Variants in PRSS55 observed in about 807,000 individuals in gnomAD.
PRSS55 encodes serine protease 55.
Under a neutral mutation model 23.6 loss-of-function variants are expected in PRSS55, and 41 were observed. That is an observed-to-expected ratio of 1.74 (90% CI 1.35 to 2.26). The LOEUF is 2.26. Among genes scored for constraint, PRSS55 ranks in the 30% most tolerant of loss-of-function variants. PRSS55 has a pLI of 0.00. For synonymous variants in PRSS55, 262 were observed against 175.5 expected (o/e 1.49, Z -3.90); for missense variants, 669 against 439.1 (o/e 1.52, Z -4.68).
intron 4 of PRSS55, among the ~76,000 whole-genome samples, chr8:10,550,453 G>C (rs1812927336): frequency 6.6e-6 from 1 of 152,208 alleles, no homozygotes; most frequent in Non-Finnish European, 1.5e-5. Flanking sequence ...TCTGGTGGCA[G>C]TTGGCTGCTG....
At position 10,525,716 on chromosome 8, in the gene PRSS55, C is replaced by G. The variant is rs4521726; in HGVS notation, c.131C>G (p.Pro44Arg). Reference sequence around the variant, plus strand: ...AGGGGAGCCCACCGCCCTCAGCCCCCTCATCCCCCCAGCCCAGTCAGTGGT... The same window carrying G: ...AGGGGAGCCCACCGCCCTCAGCCCCGTCATCCCCCCAGCCCAGTCAGTGGT... ...RARGAHRPQP[P>R]HPPSPVSECG... Residue 44 changes from proline to arginine, a missense_variant, in exon 1 of 5, where the codon CCT becomes CGT. Physicochemically the swap from Pro to Arg is moderately radical, Grantham distance 103. Transcript: ENST00000328655. 0.78 allele frequency: 1,263,558 copies of G among 1,610,038 alleles called. 496,984 individuals are homozygous for G. Among genetic ancestry groups the G allele is most frequent in the Middle Eastern group, 0.84 (4,908 of 5,860 alleles).
chr8:10,536,100 G>A (rs947442041), intron 4 of PRSS55, among the ~76,000 whole-genome samples: 1 of 152,092 alleles, frequency 6.6e-6, no homozygotes, highest in Non-Finnish European at 1.5e-5. Context: ...GCAGGAGAAC[G>A]GCGTGAACCC....
At chr8:10,550,038 G>A (rs1387026081) in intron 4 of PRSS55, among the ~76,000 whole-genome samples, 1 of 152,142 alleles carries the variant, frequency 6.6e-6, no homozygotes, top group Non-Finnish European at 1.5e-5. Flanking sequence ...TCCTGCCTCA[G>A]CCTCCCAAGT....
intron 1 of PRSS55, among the ~76,000 whole-genome samples, chr8:10,528,177 C>A (rs1479035600): frequency 2.9e-5 from 4 of 139,470 alleles, no homozygotes; most frequent in Admixed American, 8.0e-5. Flanking sequence ...CCAGCCTGGG[C>A]GATAGAGCAA....
At position 10,531,449 on chromosome 8, in the gene PRSS55, C is replaced by A; in HGVS notation, c.502C>A (p.Leu168Ile). The A allele has an allele frequency of 3.7e-6, 6 of 1,614,220 alleles. No individual in the cohort carries two copies. The highest frequency in any genetic ancestry group is 5.1e-6 in the Non-Finnish European group (6 of 1,180,056). ...GCTGCTGCTGGCTTCGCCCATCAAG[C>A]TCGATGACCTGAAGGTGCCCATCTG... is the stretch of plus-strand genomic sequence containing the variant. ...ALLLLASPIK[L>I]DDLKVPICLP... The change falls in exon 3 of 5, where the codon CTC (leucine) becomes ATC (isoleucine). Residue 168 changes from leucine (L) to isoleucine (I), a missense_variant. Coordinates refer to ENST00000328655, the MANE Select transcript of PRSS55 (RefSeq NM_198464.4).
chr8:10,549,098 C>T (rs1812894524), intron 4 of PRSS55, among the ~76,000 whole-genome samples: 1 of 152,190 alleles, frequency 6.6e-6, no homozygotes, highest in African/African-American at 2.4e-5. Flanking sequence ...TGACCCTTGA[C>T]AGAAAACATT....
downstream of PRSS55, among the ~76,000 whole-genome samples, chr8:10,542,586 C>G (rs1812688483): frequency 6.6e-6 from 1 of 151,810 alleles, no homozygotes; most frequent in Non-Finnish European, 1.5e-5. Flanking sequence ...TAAAGATGAC[C>G]TGGACAGGCA....
At chr8:10,553,922 A>C in intron 4 of PRSS55, 1 of 1,467,080 alleles carries the variant, frequency 6.8e-7, no homozygotes, top group Non-Finnish European at 9.0e-7. Flanking sequence ...TTAATTTGTC[A>C]ATTTAATTTT....
intron 4 of PRSS55, among the ~76,000 whole-genome samples, chr8:10,549,554 G>C (rs546567401): frequency 6.6e-6 from 1 of 152,198 alleles, no homozygotes; most frequent in Non-Finnish European, 1.5e-5. Flanking sequence ...ATGTGACAGT[G>C]ATGAGACCCC....
chr8:10,529,348 C>G, intron 1 of PRSS55, 159 bp from the exon 2 acceptor site: 2 of 713,062 alleles, frequency 2.8e-6, no homozygotes, highest in South Asian at 1.6e-5. Flanking sequence ...GCTGATGTCA[C>G]AAGGGCTGCC....
intron 4 of PRSS55, among the ~76,000 whole-genome samples, chr8:10,536,542 C>T (rs1812459407): frequency 6.6e-6 from 1 of 152,172 alleles, no homozygotes; most frequent in Non-Finnish European, 1.5e-5. Flanking sequence ...ATAAATTATT[C>T]TACCAAGAAG....
At position 10,532,995 on chromosome 8, in the gene PRSS55, A is replaced by T; in HGVS notation, c.688A>T (p.Thr230Ser). ...EECSKMFPKLTKNMLCAGYKN... is the reference protein window; with the variant it reads ...EECSKMFPKLSKNMLCAGYKN... Reference sequence around the variant, plus strand: ...GTGTTCAAAGATGTTTCCAAAACTTACCAAAAATATGCTGTGTGCCGGATA... The same window carrying T: ...GTGTTCAAAGATGTTTCCAAAACTTTCCAAAAATATGCTGTGTGCCGGATA... Residue 230 changes from threonine (T) to serine (S), a missense_variant, in exon 4 of 5, where the codon ACC becomes TCC. By Grantham distance (58) the Thr-to-Ser change is moderately conservative. Coordinates refer to ENST00000328655, the MANE Select transcript of PRSS55 (RefSeq NM_198464.4). 1 of 1,614,212 alleles carries T rather than the reference A, an allele frequency of 6.2e-7. No homozygotes were observed. The highest frequency in any genetic ancestry group is 8.5e-7 in the Non-Finnish European group (1 of 1,180,038).
At chr8:10,526,869 G>T (rs1812042491) in intron 1 of PRSS55, among the ~76,000 whole-genome samples, 1 of 152,164 alleles carries the variant, frequency 6.6e-6, no homozygotes, top group Admixed American at 6.5e-5. Context: ...AGGGGGGTGG[G>T]TACCCAACGA....
At chr8:10,550,987 G>A (rs1585898653) in intron 4 of PRSS55, among the ~76,000 whole-genome samples, 1 of 152,188 alleles carries the variant, frequency 6.6e-6, no homozygotes, top group Admixed American at 6.5e-5. Flanking sequence ...CAGCTGACAT[G>A]GACCCAGGCT....
At chr8:10,548,435 C>A (rs1428005847) in intron 4 of PRSS55, among the ~76,000 whole-genome samples, 1 of 152,120 alleles carries the variant, frequency 6.6e-6, no homozygotes, top group Non-Finnish European at 1.5e-5. Context: ...TGGCTGCCAC[C>A]CTGCTGGGCC....
chr8:10,531,739 C>G (rs1409990942), intron 3 of PRSS55, 194 bp downstream of exon 3: 9 of 661,290 alleles, frequency 1.4e-5, no homozygotes, highest in Non-Finnish European at 2.3e-5. Flanking sequence ...GAGCCAGTCC[C>G]CTAGTGCAGT....
intron 4 of PRSS55, 137 bp from the exon 5 acceptor site, chr8:10,538,339 T>A (rs144376831): frequency 5.1e-4 from 347 of 673,914 alleles, no homozygotes; most frequent in African/African-American, 4.9e-3. Flanking sequence ...CACATGCTTC[T>A]CCCGTGGAGC....
chr8:10,543,878 T>G (rs985653328), intron 4 of PRSS55, among the ~76,000 whole-genome samples: 4 of 152,206 alleles, frequency 2.6e-5, no homozygotes, highest in Non-Finnish European at 5.9e-5. Context: ...CCACTGAGGT[T>G]GGAGAACATA....
rs528419050 is a variant in PRSS55, at chr8:10,549,131, G to A, written c.742-4812G>A. 2.0e-5 allele frequency among the ~76,000 whole-genome samples: 3 copies of A among 152,330 alleles called. No individual in the cohort carries two copies. In the East Asian group the frequency reaches 5.8e-4, roughly 29 times the overall value. On this transcript the variant is annotated intron_variant, in intron 4 of 4. Coordinates refer to the PRSS55 transcript ENST00000522210. ...ATTCGCTTACCCTGGTCTAGAGGGG[G>A]AGATGGATGTAAACGGATAGTCACC...
Sources: gnomAD v4.1 joint callset for allele counts (sites outside exome capture counted in the v4.1 genomes callset) on GRCh38, gnomAD v4.1.1 for gene constraint, MANE v1.5 for transcripts, NCBI Gene and HGNC (gene_info 2026-07-23, HGNC 2026-07-21) for gene names.